F11: variants seen among roughly 807,000 people sequenced by gnomAD.
F11 encodes coagualtion factor XI.
Under a neutral mutation model 76.5 loss-of-function variants are expected in F11, and 78 were observed. The observed-to-expected ratio is 1.02, with a 90% CI of 0.85 to 1.23. F11 has a LOEUF of 1.23. F11 is among the 50% of genes most tolerant of loss of function. The probability of loss-of-function intolerance (pLI) is 0.00; values close to 1 mark genes in which losing one functional copy is unlikely to be tolerated. For missense variants in F11, 742 were observed against 771.4 expected, an observed-to-expected ratio of 0.96 and a Z score of 0.45; for synonymous variants, 278 against 276.3, an observed-to-expected ratio of 1.01 and a Z score of -0.06.
intron 2 of F11, among the ~76,000 whole-genome samples, chr4:186,268,112 A>T (rs181112371): frequency 6.6e-6 from 1 of 152,306 alleles, no homozygotes; most frequent in East Asian, 1.9e-4. Context: ...ACATCCATGG[A>T]TTTAAACAAC....
rs758226223 is a variant in F11, at chr4:186,267,208, C to G, written c.55+17C>G. On this transcript the variant is annotated intron_variant, in intron 2 of 14. Coordinates refer to ENST00000403665, the MANE Select transcript of F11 (RefSeq NM_000128.4). ...TTTCTGGTGGTAAGTAGAGTGTTAT[C>G]TTAACTATGGGCTGGGAGAGGGAAA... is the stretch of plus-strand genomic sequence containing the variant. The G allele has an allele frequency of 3.4e-6, 5 of 1,461,124 alleles. No individual in the cohort carries two copies. In the South Asian group the frequency reaches 5.7e-5, roughly 17 times the overall value. 90.5% of individuals were successfully genotyped at this position (1,461,124 alleles called of 1,614,324 possible).
chr4:186,282,069 A>T, intron 10 of F11: 1 of 1,230,194 alleles, frequency 8.1e-7, no homozygotes, highest in East Asian at 5.9e-5. Context: ...ATTCGGCACC[A>T]TTCTGTTGTC....
intron 14 of F11, among the ~76,000 whole-genome samples, 182 bp downstream of exon 14, chr4:186,288,005 C>T (rs914226985): frequency 2.6e-5 from 4 of 151,574 alleles, no homozygotes; most frequent in South Asian, 2.1e-4. Context: ...CCCAGGTTCA[C>T]GCCATTCTCC....
chr4:186,275,200 G>C (rs1388347285), intron 5 of F11: 8 of 456,624 alleles, frequency 1.8e-5, no homozygotes, highest in Admixed American at 9.4e-5. Flanking sequence ...TTAAAAGTAA[G>C]AAGGACTTAG....
intron 7 of F11, among the ~76,000 whole-genome samples, chr4:186,279,498 G>C (rs1740624555): frequency 6.6e-6 from 1 of 152,182 alleles, no homozygotes; most frequent in South Asian, 2.1e-4. Flanking sequence ...GATGGCACAG[G>C]CATAGAATAT....
intron 6 of F11, 141 bp downstream of exon 6, chr4:186,276,037 A>C: frequency 1.1e-6 from 1 of 932,642 alleles, no homozygotes; most frequent in Non-Finnish European, 1.7e-6. Flanking sequence ...AGATTTCATC[A>C]TGTCCTATAC....
Position 186,285,850 on chromosome 4 carries a change from G to C in F11, c.1480+37G>C, listed in dbSNP as rs778773048. ...TTTATCCGGAAAGTTGTCTCCAATGGTGAACTGGATAAAATGTTTAACACT... is the reference window on the plus strand; with the variant it reads ...TTTATCCGGAAAGTTGTCTCCAATGCTGAACTGGATAAAATGTTTAACACT... On this transcript the variant is annotated intron_variant, in intron 12 of 14. Transcript: ENST00000403665. The C allele has an allele frequency of 1.5e-5, 24 of 1,606,960 alleles. No individual in the cohort carries two copies. The Admixed American group carries it at 4.0e-4, about 27-fold the overall frequency.
Position 186,267,153 on chromosome 4 carries a change from A to G in F11, c.17A>G (p.Gln6Arg), listed in dbSNP as rs771485861. The change falls in exon 2 of 15, where the codon CAA (glutamine) becomes CGA (arginine). Residue 6 changes from glutamine (Q) to arginine (R), a missense_variant. Transcript: ENST00000403665. MIFLY[Q>R]VVHFILFTSV... ...CATTGTAGGATGATTTTCTTATATC[A>G]AGTGGTACATTTCATTTTATTTACT... 8.2e-6 allele frequency: 13 copies of G among 1,578,842 alleles called. No homozygotes were observed. The Admixed American group carries it at 2.2e-4, about 26-fold the overall frequency.
chr4:186,277,851 T>C (rs4253417), intron 7 of F11, among the ~76,000 whole-genome samples: 49,713 of 152,116 alleles, frequency 0.33, 9,076 homozygotes, highest in Non-Finnish European at 0.41. Flanking sequence ...CAGATTTGGT[T>C]GCACTGGGTG....
intron 13 of F11, 42 bp downstream of exon 13, chr4:186,286,552 A>G (rs1206189346): frequency 6.2e-7 from 1 of 1,609,964 alleles, no homozygotes; most frequent in Non-Finnish European, 8.5e-7. Flanking sequence ...CTAGAAATGA[A>G]GAGCGGAACC....
rs1293918318 is a variant in F11, at chr4:186,275,769, C to A, written c.486-18C>A. 1 of 1,574,474 alleles carries A rather than the reference C, an allele frequency of 6.4e-7. No homozygotes were observed. The highest frequency in any genetic ancestry group is 1.1e-5 in the South Asian group (1 of 89,178). ...CAGTTGGAAGAATAAGACACTTTTC[C>A]TTTTTCTTTTTATTCAGTAACATTT... On this transcript the variant is annotated intron_variant, in intron 5 of 14. Transcript: ENST00000403665.
intron 2 of F11, among the ~76,000 whole-genome samples, chr4:186,268,171 C>T (rs1269677890): frequency 6.6e-6 from 1 of 152,124 alleles, no homozygotes; most frequent in Non-Finnish European, 1.5e-5. Flanking sequence ...TCAACATGTG[C>T]AGAGTTTTTT....
chr4:186,282,955 G>T, intron 10 of F11: 1 of 985,324 alleles, frequency 1.0e-6, no homozygotes, highest in Non-Finnish European at 1.2e-6. Flanking sequence ...CTAGTGAATG[G>T]ACCTTCTAGG....
chr4:186,284,033 A>T, intron 10 of F11, 59 bp from the exon 11 acceptor site: 1 of 1,613,278 alleles, frequency 6.2e-7, no homozygotes, highest in Non-Finnish European at 8.5e-7. Flanking sequence ...CTGAAGGAGC[A>T]TAATTACTGA....
chr4:186,286,322 A>G, intron 12 of F11, 93 bp from the exon 13 acceptor site: 1 of 1,204,588 alleles, frequency 8.3e-7, no homozygotes, highest in South Asian at 1.2e-5. Flanking sequence ...TAAACAAAGA[A>G]AACACAGATA....
chr4:186,276,450 A>G (rs1041895911), intron 7 of F11, 60 bp downstream of exon 7: 1 of 1,588,074 alleles, frequency 6.3e-7, no homozygotes, highest in Non-Finnish European at 8.6e-7. Flanking sequence ...ATCAAAATCC[A>G]TCATTAAAAA....
rs1035673512 is a variant in F11 at position 186,287,463 on chromosome 4, A to G, written c.1577-221A>G. ...GCTGGGCATGGTGGTGTGTGCCTGT[A>G]ATCCCAGCTACTCGGGAGGCTGAGG... On this transcript the variant is annotated intron_variant, in intron 13 of 14. Transcript: ENST00000403665. 7.8e-4 allele frequency: 134 copies of G among 172,098 alleles called. 1 individual carries two copies. The highest frequency in any genetic ancestry group is 1.3e-3 in the Non-Finnish European group (109 of 83,596). The allele number at this position is 172,098 out of a possible 1,614,324, so 10.7% of individuals were successfully genotyped here. A position where few individuals can be genotyped will look rare whatever the true frequency, so the allele number is the denominator to read the frequency against.
At chr4:186,269,244 G>T (rs1439842378) in intron 2 of F11, among the ~76,000 whole-genome samples, 3 of 152,202 alleles carry the variant, frequency 2.0e-5, no homozygotes, top group East Asian at 1.9e-4. Context: ...TGACTTCGGG[G>T]TACATACCGA....
rs1554083734 is a variant in F11 at position 186,285,692 on chromosome 4, AATAAAAGAGGACAC to A, written c.1362_1375del (p.Lys455PhefsTer11). 6.2e-7 allele frequency: 1 copy of A among 1,614,190 alleles called. No homozygotes were observed. ...ACAGTGGCATTTTAAATCAATCTGA[AATAAAAGAGGACAC>A]ATCTTTCTTTGGGGTTCAAGAAATA... On this transcript the variant is annotated frameshift_variant, in exon 12 of 15. Transcript: ENST00000403665. LOFTEE classifies it high-confidence loss of function.
Sources: gnomAD v4.1 joint callset for allele counts (sites outside exome capture counted in the v4.1 genomes callset) on GRCh38, gnomAD v4.1.1 for gene constraint, MANE v1.5 for transcripts, NCBI Gene and HGNC (gene_info 2026-07-23, HGNC 2026-07-21) for gene names.